Variants in PROM1 observed in about 807,000 individuals in gnomAD.
PROM1 encodes the protein prominin-1.
Under a neutral mutation model 116.9 loss-of-function variants are expected in PROM1, and 105 were observed. That is an observed-to-expected ratio of 0.90 (90% CI 0.77 to 1.06). PROM1 has a LOEUF of 1.06. PROM1 is among the 50% of genes least tolerant of loss of function. The probability of loss-of-function intolerance (pLI) is 0.00; values close to 1 mark genes in which losing one functional copy is unlikely to be tolerated. For synonymous variants in PROM1, 393 were observed against 387.0 expected, an observed-to-expected ratio of 1.02 and a Z score of -0.18; for missense variants, 1,122 against 1,045.2, an observed-to-expected ratio of 1.07 and a Z score of -1.01.
rs1203276589 is a variant in PROM1, at chr4:16,023,394, C to T, written c.716G>A (p.Gly239Asp). The T allele has an allele frequency of 6.2e-7, 1 of 1,603,700 alleles. No individual in the cohort carries two copies. The highest frequency in any genetic ancestry group is 8.5e-7 in the Non-Finnish European group (1 of 1,174,316). The change falls in exon 8 of 28, where the codon GGC becomes GAC. Residue 239 changes from glycine (G) to aspartate (D), a missense_variant. Physicochemically the swap from Gly to Asp is moderately conservative, Grantham distance 94 (BLOSUM62 -1). Coordinates refer to ENST00000447510, the MANE Select transcript of PROM1 (RefSeq NM_006017.3). ...DLNSINSVLG[G>D]GILDRLRPNI... ...GGGTCTCAGTCGGTCAAGAATTCCGCCTCCTAGCACTGAATTGATACCTAC... is the reference window on the plus strand; with the variant it reads ...GGGTCTCAGTCGGTCAAGAATTCCGTCTCCTAGCACTGAATTGATACCTAC...
At chr4:16,023,582 T>G (rs1441400044) in intron 7 of PROM1, among the ~76,000 whole-genome samples, 167 bp from the exon 8 acceptor site, 1 of 152,148 alleles carries the variant, frequency 6.6e-6, no homozygotes, top group African/African-American at 2.4e-5. Context: ...CTTCAGGGTC[T>G]CCGCACCAAC....
intron 13 of PROM1, among the ~76,000 whole-genome samples, chr4:16,003,543 G>A (rs937958012): frequency 1.6e-4 from 24 of 152,264 alleles, no homozygotes; most frequent in African/African-American, 4.8e-4. Flanking sequence ...TTTATGATGG[G>A]CTTCAAATCA....
chr4:16,002,345 T>C (rs758221375), intron 13 of PROM1, among the ~76,000 whole-genome samples: 2 of 152,328 alleles, frequency 1.3e-5, no homozygotes, highest in Non-Finnish European at 2.9e-5. Context: ...GCGTAGCTTT[T>C]CTCTAGCAGT....
At chr4:15,992,980 G>A (rs989745273) in intron 16 of PROM1, among the ~76,000 whole-genome samples, 2 of 152,216 alleles carry the variant, frequency 1.3e-5, no homozygotes, top group Non-Finnish European at 2.9e-5. Context: ...GCACGTCCCA[G>A]GCAACCTCTC....
At position 16,033,437 on chromosome 4, in the gene PROM1, C is replaced by A; in HGVS notation, c.376G>T (p.Val126Leu). The change falls in exon 5 of 28, where the codon GTG becomes TTG. Residue 126 changes from valine (V) to leucine (L), a missense_variant. Transcript: ENST00000447510. ...GLLFIILMPL[V>L]GYFFCMCRCC... is the part of the protein sequence containing the mutation. ...CGACACATACAAAAGAAATACCCCA[C>A]CAGAGGCATCAGAATAATAAACAGC... 1.2e-6 allele frequency: 2 copies of A among 1,613,636 alleles called. No individual in the cohort carries two copies. Among genetic ancestry groups the A allele is most frequent in the Non-Finnish European group, 1.7e-6 (2 of 1,179,732 alleles).
Position 15,984,363 on chromosome 4 carries a change from G to T in PROM1, c.2281-8C>A, listed in dbSNP as rs368862821. 12 of 1,532,180 alleles carry T rather than the reference G, an allele frequency of 7.8e-6. No individual in the cohort carries two copies. The highest frequency in any genetic ancestry group is 1.1e-5 in the Non-Finnish European group (12 of 1,134,154). 94.9% of individuals were successfully genotyped at this position (1,532,180 alleles called of 1,614,324 possible). On this transcript the variant is annotated splice_region_variant and splice_polypyrimidine_tract_variant and intron_variant, in intron 22 of 27. Coordinates refer to ENST00000447510, the MANE Select transcript of PROM1 (RefSeq NM_006017.3). ...TGCCACTTTCTCACTGATCTAGGGG[G>T]GTGGAAACACAGGGAAACTTTGAGC... is the stretch of plus-strand genomic sequence containing the variant.
At chr4:16,023,800 C>T (rs1674273643) in intron 7 of PROM1, among the ~76,000 whole-genome samples, 1 of 152,102 alleles carries the variant, frequency 6.6e-6, no homozygotes. Context: ...TAGCACTGTC[C>T]CCACCCCACC....
In PROM1 at chr4:16,046,887, G is replaced by A. The variant is rs185419808; in HGVS notation, c.221-7886C>T. On this transcript the variant is annotated intron_variant, in intron 2 of 27. Coordinates refer to ENST00000447510, the MANE Select transcript of PROM1 (RefSeq NM_006017.3). ...TCTTCGGTGACTAGAATAGGCAGAG[G>A]GCTAGGCCCTCATCCAACCACGCAC... 6.8e-4 allele frequency among the ~76,000 whole-genome samples: 103 copies of A among 152,298 alleles called. 1 individual carries two copies. Among genetic ancestry groups the A allele is most frequent in the Middle Eastern group, 6.8e-3 (2 of 294 alleles).
intron 4 of PROM1, among the ~76,000 whole-genome samples, chr4:16,034,647 A>G: frequency 6.6e-6 from 1 of 152,242 alleles, no homozygotes; most frequent in African/African-American, 2.4e-5. Context: ...CAATTCATGC[A>G]TGTAGCTGCT....
intron 2 of PROM1, among the ~76,000 whole-genome samples, chr4:16,048,649 G>C (rs1166125519): frequency 1.3e-5 from 2 of 151,986 alleles, no homozygotes; most frequent in Non-Finnish European, 2.9e-5. Flanking sequence ...TCCTTTAGCT[G>C]ACTGGAGTGG....
chr4:16,005,464 G>T (rs1271524568), intron 13 of PROM1, among the ~76,000 whole-genome samples: 14 of 150,480 alleles, frequency 9.3e-5, no homozygotes, highest in Non-Finnish European at 2.1e-4. Context: ...CTGATTTATT[G>T]TTCCAGTGAC....
intron 2 of PROM1, among the ~76,000 whole-genome samples, chr4:16,049,244 G>A (rs982352040): frequency 3.3e-5 from 5 of 152,200 alleles, no homozygotes; most frequent in East Asian, 1.9e-4. Flanking sequence ...ACCTTTGAAA[G>A]GAATGTTATT....
At chr4:16,068,775 T>A (rs1435719282) in intron 2 of PROM1, among the ~76,000 whole-genome samples, 1 of 152,164 alleles carries the variant, frequency 6.6e-6, no homozygotes, top group Non-Finnish European at 1.5e-5. Context: ...CACTATAACA[T>A]CCTGATGGCC....
At chr4:16,069,143 G>A (rs992237458) in intron 2 of PROM1, among the ~76,000 whole-genome samples, 1 of 152,206 alleles carries the variant, frequency 6.6e-6, no homozygotes, top group African/African-American at 2.4e-5. Context: ...GCTGAGGCAG[G>A]AGAATCACTT....
intron 12 of PROM1, among the ~76,000 whole-genome samples, chr4:16,006,952 T>C (rs1218338205): frequency 1.5e-4 from 23 of 152,328 alleles, no homozygotes. Flanking sequence ...GCCTCCTTCC[T>C]TTGCTTTGAT....
In PROM1 at chr4:16,025,855, C is replaced by A. The variant is rs185715729; in HGVS notation, c.510-543G>T. Among the ~76,000 whole-genome samples the A allele has an allele frequency of 1.4e-3, 215 of 152,286 alleles. No homozygotes were observed. In the East Asian group the frequency reaches 0.02, roughly 14 times the overall value. On this transcript the variant is annotated intron_variant, in intron 5 of 27. Transcript: ENST00000447510. Reference sequence around the variant, plus strand: ...AATTGTCTGTTAGTGCCTGTATTGTCCAGGTTGGAAAGTAACATGAGTTAC... The same window carrying A: ...AATTGTCTGTTAGTGCCTGTATTGTACAGGTTGGAAAGTAACATGAGTTAC...
intron 7 of PROM1, 37 bp from the exon 8 acceptor site, chr4:16,023,452 C>T: frequency 1.4e-6 from 2 of 1,449,038 alleles, no homozygotes; most frequent in Non-Finnish European, 1.9e-6. Context: ...TGAGGGTGGC[C>T]TCTGCTCATC....
intron 26 of PROM1, among the ~76,000 whole-genome samples, chr4:15,973,743 G>A (rs1047533383): frequency 2.6e-5 from 4 of 152,092 alleles, no homozygotes; most frequent in South Asian, 2.1e-4. Context: ...CTTTCCACCC[G>A]TTTTGGGAAC....
intron 23 of PROM1, among the ~76,000 whole-genome samples, chr4:15,981,110 C>T (rs1045760805): frequency 7.3e-5 from 11 of 151,176 alleles, no homozygotes; most frequent in African/African-American, 2.2e-4. Context: ...TACAGGCGTC[C>T]GCCACCACGC....
Sources: allele counts gnomAD v4.1 joint callset (sites outside exome capture counted in the v4.1 genomes callset), GRCh38; gene constraint gnomAD v4.1.1; transcripts MANE v1.5; gene names NCBI Gene and HGNC (gene_info 2026-07-23, HGNC 2026-07-21).